The following CSMD1 variants were observed in gnomAD, a reference collection of about 807,000 sequenced individuals.
CSMD1 encodes CUB and sushi domain-containing protein 1.
Under a neutral mutation model 417.5 loss-of-function variants are expected in CSMD1, and 213 were observed. The observed-to-expected ratio is 0.51, with a 90% CI of 0.46 to 0.57. The LOEUF (loss-of-function observed/expected upper bound fraction) is 0.57. Ranked by LOEUF, CSMD1 falls within the 20% of genes least tolerant of loss-of-function variation. CSMD1 has a pLI of 0.00. For synonymous variants in CSMD1, 2,862 were observed against 1,736.8 expected (o/e 1.65, Z -16.11); for missense variants, 6,923 against 4,529.7 (o/e 1.53, Z -15.17).
intron 1 of CSMD1, among the ~76,000 whole-genome samples, chr8:4,833,202 T>C (rs73183404): frequency 0.038 from 5,731 of 152,232 alleles, 151 homozygotes; most frequent in South Asian, 0.076. Flanking sequence ...ACTGGGTAAT[T>C]TATAAAGAAA....
chr8:2,998,265 C>A, intron 53 of CSMD1, 81 bp from the exon 54 acceptor site: 2 of 1,424,286 alleles, frequency 1.4e-6, no homozygotes. Flanking sequence ...AAGAAACATG[C>A]AGGCATGCTA....
At chr8:3,149,607 A>G (rs1322715084) in intron 40 of CSMD1, among the ~76,000 whole-genome samples, 3 of 152,156 alleles carry the variant, frequency 2.0e-5, no homozygotes, top group Non-Finnish European at 4.4e-5. Flanking sequence ...CCTCCCAAGT[A>G]GTTGGGATTA....
At chr8:3,358,909 G>C (rs1020939378) in intron 21 of CSMD1, among the ~76,000 whole-genome samples, 1 of 151,566 alleles carries the variant, frequency 6.6e-6, no homozygotes, top group Non-Finnish European at 1.5e-5. Flanking sequence ...ACATGCTTTG[G>C]TTTCACTCTT....
intron 7 of CSMD1, among the ~76,000 whole-genome samples, chr8:3,689,428 C>A (rs576679110): frequency 5.3e-5 from 8 of 152,226 alleles, no homozygotes; most frequent in African/African-American, 1.4e-4. Flanking sequence ...AAGGAAATGG[C>A]GGGATAGTTA....
chr8:4,682,841 G>GT (rs1349962989), intron 1 of CSMD1, among the ~76,000 whole-genome samples: 2 of 150,494 alleles, frequency 1.3e-5, no homozygotes, highest in Admixed American at 6.6e-5. Context: ...ACACTGAAAT[G>GT]TTTTTATCCA....
intron 1 of CSMD1, among the ~76,000 whole-genome samples, chr8:4,921,752 A>C (rs962923229): frequency 6.6e-6 from 1 of 152,168 alleles, no homozygotes; most frequent in African/African-American, 2.4e-5. Context: ...TGTTGTTCTG[A>C]GTAATTATTC....
intron 36 of CSMD1, among the ~76,000 whole-genome samples, chr8:3,185,544 C>G (rs1028363315): frequency 2.6e-5 from 4 of 152,138 alleles, no homozygotes; most frequent in African/African-American, 7.2e-5. Context: ...ATTTAATACT[C>G]TCTTTTGAAA....
chr8:4,330,208 A>ACAGCCGTCAGATCCACCTGTCAGATC (rs1563061995), intron 3 of CSMD1, among the ~76,000 whole-genome samples: 3 of 151,238 alleles, frequency 2.0e-5, no homozygotes, highest in Non-Finnish European at 4.4e-5. Context: ...TTTCTCCATA[A>ACAGCCGTCAGATCCACCTGTCAGATC]CACCCGTCAG....
chr8:3,406,597 G>A (rs962965616), intron 14 of CSMD1, among the ~76,000 whole-genome samples: 7 of 152,042 alleles, frequency 4.6e-5, no homozygotes, highest in Non-Finnish European at 1.0e-4. Context: ...CTCTGACATT[G>A]GGCATATGAC....
intron 2 of CSMD1, among the ~76,000 whole-genome samples, chr8:4,460,715 A>G (rs1296907158): frequency 6.6e-6 from 1 of 152,196 alleles, no homozygotes; most frequent in African/African-American, 2.4e-5. Flanking sequence ...GATGACTACA[A>G]AAATACAAAT....
At chr8:3,863,570 C>A (rs1324754569) in intron 5 of CSMD1, among the ~76,000 whole-genome samples, 1 of 152,068 alleles carries the variant, frequency 6.6e-6, no homozygotes, top group Non-Finnish European at 1.5e-5. Flanking sequence ...GCACTGTTTA[C>A]AAAAATATAA....
At chr8:4,618,296 A>T (rs371728680) in intron 2 of CSMD1, among the ~76,000 whole-genome samples, 1 of 79,458 alleles carries the variant, frequency 1.3e-5, no homozygotes, top group African/African-American at 6.8e-5. Flanking sequence ...AAGCTCAGCC[A>T]TGTCCCTCAT....
chr8:3,839,421 T>TATAATAAATTAATATTATATATTATA, intron 5 of CSMD1, among the ~76,000 whole-genome samples: 1 of 123,962 alleles, frequency 8.1e-6, no homozygotes, highest in East Asian at 2.1e-4. Context: ...AAAATAAATA[T>TATAATAAATTAATATTATATATTATA]ATATAATAAA....
intron 1 of CSMD1, among the ~76,000 whole-genome samples, chr8:4,852,903 T>A (rs1342373963): frequency 6.6e-6 from 1 of 152,116 alleles, no homozygotes; most frequent in South Asian, 2.1e-4. Context: ...TGTGGAAGGT[T>A]GAGCTTAAGA....
rs377764710 is a variant in CSMD1, at chr8:4,717,310, C to CATATAT, written c.86-79758_86-79753dup. Among the ~76,000 whole-genome samples the CATATAT allele has an allele frequency of 9.2e-3, 1,259 of 137,114 alleles. 61 individuals are homozygous for CATATAT. The highest frequency in any genetic ancestry group is 0.034 in the African/African-American group (1,130 of 33,374). The allele number at this position is 137,114 out of a possible 152,430, so 90.0% of individuals were successfully genotyped here. A position where few individuals can be genotyped will look rare whatever the true frequency, so the allele number is the denominator to read the frequency against. ...CCCTGCCCTTCTCTCTCTCTCTCTC[C>CATATAT]ATATATATATATATATACACACACA... On this transcript the variant is annotated intron_variant, in intron 1 of 69. Transcript: ENST00000635120.
At chr8:4,325,592 T>C (rs937684948) in intron 3 of CSMD1, among the ~76,000 whole-genome samples, 27 of 152,284 alleles carry the variant, frequency 1.8e-4, no homozygotes, top group Admixed American at 5.9e-4. Flanking sequence ...AGAATTATTA[T>C]AGTAGGCAGG....
At chr8:4,202,489 C>T (rs1384357188) in intron 3 of CSMD1, among the ~76,000 whole-genome samples, 1 of 152,134 alleles carries the variant, frequency 6.6e-6, no homozygotes. Flanking sequence ...TAAACTAGGT[C>T]TTCAATAACA....
chr8:3,495,134 C>T (rs1008745520), intron 10 of CSMD1, among the ~76,000 whole-genome samples: 1 of 152,194 alleles, frequency 6.6e-6, no homozygotes. Context: ...AAATAGGTGT[C>T]GAGGTTGATA....
At chr8:4,050,759 AATTG>A (rs1213711145) in intron 3 of CSMD1, among the ~76,000 whole-genome samples, 28 of 152,276 alleles carry the variant, frequency 1.8e-4, no homozygotes, top group African/African-American at 5.5e-4. Context: ...TAAATGCCCT[AATTG>A]ACCAAGTGTA....
Sources: allele counts gnomAD v4.1 joint callset (sites outside exome capture counted in the v4.1 genomes callset), GRCh38; gene constraint gnomAD v4.1.1; transcripts MANE v1.5; gene names NCBI Gene and HGNC (gene_info 2026-07-23, HGNC 2026-07-21).